The following FNDC3B variants were observed in gnomAD, a reference collection of about 807,000 sequenced individuals.
FNDC3B encodes fibronectin type III domain containing 3B.
In FNDC3B, 12 loss-of-function variants were observed where a neutral mutation model predicts 151.5. The observed-to-expected ratio is 0.08, with a 90% CI of 0.05 to 0.13. FNDC3B has a LOEUF of 0.13. Ranked by LOEUF, FNDC3B falls within the 10% of genes least tolerant of loss-of-function variation. FNDC3B has a pLI of 1.00. For missense variants in FNDC3B, 1,214 were observed against 1,505.3 expected (o/e 0.81, Z 3.20); for synonymous variants, 528 against 549.0 (o/e 0.96, Z 0.54).
chr3:172,265,572 T>C (rs577838021), intron 6 of FNDC3B, among the ~76,000 whole-genome samples: 3 of 152,306 alleles, frequency 2.0e-5, no homozygotes, highest in East Asian at 3.9e-4. Context: ...GACTTCAACA[T>C]TGAAAATAAA....
intron 6 of FNDC3B, among the ~76,000 whole-genome samples, chr3:172,280,556 G>T (rs1249572504): frequency 6.6e-6 from 1 of 152,178 alleles, no homozygotes; most frequent in African/African-American, 2.4e-5. Flanking sequence ...ATCTACAAAT[G>T]AGCCTTGTGG....
At chr3:172,148,802 C>T (rs1459639302) in intron 3 of FNDC3B, among the ~76,000 whole-genome samples, 1 of 152,162 alleles carries the variant, frequency 6.6e-6, no homozygotes, top group Non-Finnish European at 1.5e-5. Context: ...TGGTTGAGTT[C>T]ATTGATCATT....
intron 2 of FNDC3B, among the ~76,000 whole-genome samples, chr3:172,124,332 C>T (rs1720701812): frequency 6.6e-6 from 1 of 152,220 alleles, no homozygotes; most frequent in African/African-American, 2.4e-5. Context: ...CTCAAGTGAT[C>T]TTCCCGCCTT....
chr3:172,392,610 A>C (rs1736064629), intron 25 of FNDC3B, among the ~76,000 whole-genome samples: 1 of 152,044 alleles, frequency 6.6e-6, no homozygotes, highest in African/African-American at 2.4e-5. Context: ...TTCTTGGTGG[A>C]AGTTTACACA....
At chr3:172,323,488 G>C (rs540444241) in intron 11 of FNDC3B, among the ~76,000 whole-genome samples, 1 of 152,270 alleles carries the variant, frequency 6.6e-6, no homozygotes, top group South Asian at 2.1e-4. Context: ...CTGCTCTCTA[G>C]CCTGAACAAC....
chr3:172,181,606 A>T (rs1723908169), intron 3 of FNDC3B, among the ~76,000 whole-genome samples: 1 of 151,942 alleles, frequency 6.6e-6, no homozygotes, highest in South Asian at 2.1e-4. Flanking sequence ...CTAGGTGGGC[A>T]TATCACGAGG....
chr3:172,372,578 G>A (rs1307120075), intron 23 of FNDC3B, among the ~76,000 whole-genome samples: 1 of 152,196 alleles, frequency 6.6e-6, no homozygotes, highest in East Asian at 1.9e-4. Context: ...AGTGATTTAT[G>A]TTGGGGAGAA....
At position 172,239,856 on chromosome 3, in the gene FNDC3B, C is replaced by CTTTTTTTTTTTTTTTTTTTTT. The variant is rs71179981; in HGVS notation, c.265-7667_265-7647dup. Among the ~76,000 whole-genome samples the CTTTTTTTTTTTTTTTTTTTTT allele has an allele frequency of 1.0e-4, 5 of 49,926 alleles. 1 individual carries two copies. Among genetic ancestry groups the CTTTTTTTTTTTTTTTTTTTTT allele is most frequent in the African/African-American group, 1.5e-4 (2 of 13,324 alleles). 32.8% of individuals were successfully genotyped at this position (49,926 alleles called of 152,430 possible). On this transcript the variant is annotated intron_variant, in intron 4 of 25. Transcript: ENST00000415807. Reference sequence around the variant, plus strand: ...TGTTTTTAGGAGATCCATTTTAGTTCTTTTTTTTTTTTTTTTTTTTTTTTT... The same window carrying CTTTTTTTTTTTTTTTTTTTTT: ...TGTTTTTAGGAGATCCATTTTAGTTCTTTTTTTTTTTTTTTTTTTTTTTTTTTTTTTTTTTTTTTTTTTTTT...
intron 3 of FNDC3B, among the ~76,000 whole-genome samples, chr3:172,219,652 A>G (rs1726169550): frequency 6.6e-6 from 1 of 152,186 alleles, no homozygotes; most frequent in Non-Finnish European, 1.5e-5. Context: ...GCCTTTGGCA[A>G]CCACCAATCT....
At chr3:172,228,275 T>A (rs1195413578) in intron 4 of FNDC3B, among the ~76,000 whole-genome samples, 1 of 152,236 alleles carries the variant, frequency 6.6e-6, no homozygotes, top group African/African-American at 2.4e-5. Flanking sequence ...AGCCGTCAGT[T>A]AACAGAAAAG....
At chr3:172,187,080 C>G (rs1423253542) in intron 3 of FNDC3B, 1 of 249,632 alleles carries the variant, frequency 4.0e-6, no homozygotes, top group Admixed American at 5.3e-5. Context: ...TGCTTATTAC[C>G]TTGCCCTTGA....
intron 3 of FNDC3B, among the ~76,000 whole-genome samples, chr3:172,197,163 A>C (rs1724880414): frequency 6.6e-6 from 1 of 152,174 alleles, no homozygotes; most frequent in African/African-American, 2.4e-5. Flanking sequence ...CCTGGGTGAC[A>C]GAGTGAGACT....
At chr3:172,102,732 G>A (rs998428200) in intron 1 of FNDC3B, among the ~76,000 whole-genome samples, 4 of 152,128 alleles carry the variant, frequency 2.6e-5, no homozygotes, top group Admixed American at 2.6e-4. Context: ...CTGGCGCTGG[G>A]GAGGAGGAGC....
chr3:172,098,729 T>C lies in FNDC3B; in HGVS notation c.-28-13723T>C, dbSNP rs139190200. On this transcript the variant is annotated intron_variant, in intron 1 of 25. Transcript: ENST00000415807. ...GGAATTGTTGAGTTTCCCCTTCACC[T>C]TGGGAAGAACTCGGGGGAATGGTTG... Among the ~76,000 whole-genome samples, 1,201 of 152,326 alleles carry C rather than the reference T, an allele frequency of 7.9e-3. 8 individuals carry two copies. Among genetic ancestry groups the C allele is most frequent in the Middle Eastern group, 0.02 (6 of 294 alleles).
At chr3:172,112,754 A>AT (rs752473417) in intron 2 of FNDC3B, among the ~76,000 whole-genome samples, 164 bp downstream of exon 2, 25 of 152,222 alleles carry the variant, frequency 1.6e-4, no homozygotes, top group Non-Finnish European at 3.5e-4. Context: ...TTAAAATGTG[A>AT]TTTTAGAGAA....
chr3:172,082,785 A>G (rs753180489), intron 1 of FNDC3B, among the ~76,000 whole-genome samples: 2 of 152,136 alleles, frequency 1.3e-5, no homozygotes, highest in Non-Finnish European at 2.9e-5. Flanking sequence ...TTTTCTCTGA[A>G]GTGGTCTGTG....
chr3:172,378,587 T>A, intron 24 of FNDC3B, 151 bp downstream of exon 24: 1 of 757,000 alleles, frequency 1.3e-6, no homozygotes, highest in Non-Finnish European at 2.0e-6. Context: ...TGATGGGTTG[T>A]CTGGGGGAAA....
intron 3 of FNDC3B, chr3:172,186,592 A>G (rs900881569): frequency 1.6e-6 from 1 of 626,812 alleles, no homozygotes; most frequent in Non-Finnish European, 2.8e-6. Flanking sequence ...TGGTATTTTT[A>G]CTCTTATTTT....
At chr3:172,308,424 G>A (rs923045834) in intron 10 of FNDC3B, among the ~76,000 whole-genome samples, 1 of 152,216 alleles carries the variant, frequency 6.6e-6, no homozygotes, top group Non-Finnish European at 1.5e-5. Flanking sequence ...TGGAGGTAGA[G>A]ATAAAGATTT....
Sources: allele counts gnomAD v4.1 joint callset (sites outside exome capture counted in the v4.1 genomes callset), GRCh38; gene constraint gnomAD v4.1.1; transcripts MANE v1.5; gene names NCBI Gene and HGNC (gene_info 2026-07-23, HGNC 2026-07-21).